Variants in AGAP1 observed in about 807,000 individuals in gnomAD.
AGAP1 encodes ArfGAP with GTPase domain, ankyrin repeat and PH domain 1, also known as arf-GAP with GTPase, ANK repeat and PH domain-containing protein 1.
In AGAP1, 29 loss-of-function variants were observed where a neutral mutation model predicts 105.3. That is an observed-to-expected ratio of 0.28 (90% CI 0.21 to 0.38). The LOEUF (loss-of-function observed/expected upper bound fraction) is 0.38, where lower values mean the gene tolerates loss of function less well. Ranked by LOEUF, AGAP1 falls within the 10% of genes least tolerant of loss-of-function variation. The probability of loss-of-function intolerance (pLI) is 1.00; values close to 1 mark genes in which losing one functional copy is unlikely to be tolerated. For missense variants in AGAP1, 998 were observed against 1,165.1 expected (o/e 0.86, Z 2.09); for synonymous variants, 509 against 485.9 (o/e 1.05, Z -0.63).
chr2:235,665,079 C>T lies in AGAP1; in HGVS notation c.164-44100C>T, dbSNP rs1351549295. Among the ~76,000 whole-genome samples the T allele has an allele frequency of 6.6e-6, 1 of 152,104 alleles. No homozygotes were observed. Among genetic ancestry groups the T allele is most frequent in the Non-Finnish European group, 1.5e-5 (1 of 68,020 alleles). On this transcript the variant is annotated intron_variant, in intron 1 of 17. Coordinates refer to ENST00000304032, the MANE Select transcript of AGAP1 (RefSeq NM_001037131.3). The surrounding 1 kb of genome is among the most constrained non-coding windows in gnomAD (Gnocchi z 5.3). ...TCTACAAAAAAATTTAAAAATTAGC[C>T]AGGGGTGGTGACATGTGCCTGTGGT...
chr2:235,756,586 A>G (rs951300434), intron 6 of AGAP1, among the ~76,000 whole-genome samples: 14 of 152,124 alleles, frequency 9.2e-5, no homozygotes, highest in East Asian at 1.9e-4. Context: ...AGTGGTCCAC[A>G]GTGTGGTTTT....
Position 235,625,323 on chromosome 2 carries a change from C to T in AGAP1, c.164-83856C>T, listed in dbSNP as rs1946603945. Among the ~76,000 whole-genome samples, 1 of 152,164 alleles carries T rather than the reference C, an allele frequency of 6.6e-6. No homozygotes were observed. Among genetic ancestry groups the T allele is most frequent in the Non-Finnish European group, 1.5e-5 (1 of 68,032 alleles). ...TTAGCAGCATTGAGTATAAGGTGAC[C>T]TGGAGGAGGTGTGAAGACCTGCGCA... On this transcript the variant is annotated intron_variant, in intron 1 of 17. Coordinates refer to ENST00000304032, the MANE Select transcript of AGAP1 (RefSeq NM_001037131.3). This position sits in a 1 kb window ranked among gnomAD's most constrained non-coding sequence, Gnocchi z 4.0.
Position 235,622,903 on chromosome 2 carries a change from G to A in AGAP1, c.164-86276G>A, listed in dbSNP as rs757905316. 6.6e-6 allele frequency among the ~76,000 whole-genome samples: 1 copy of A among 152,026 alleles called. No individual in the cohort carries two copies. The highest frequency in any genetic ancestry group is 2.4e-5 in the African/African-American group (1 of 41,372). ...CTTCTTGGAGTCAGCACTGCTTCAC[G>A]GTCCTATTGGCATGAGAACCACGTC... On this transcript the variant is annotated intron_variant, in intron 1 of 17. Coordinates refer to ENST00000304032, the MANE Select transcript of AGAP1 (RefSeq NM_001037131.3). The surrounding 1 kb of genome is among the most constrained non-coding windows in gnomAD (Gnocchi z 5.0).
rs576142699 is a variant in AGAP1, at chr2:235,965,416, G to A, written c.1484-3046G>A. Among the ~76,000 whole-genome samples the A allele has an allele frequency of 1.3e-5, 2 of 152,312 alleles. No homozygotes were observed. The highest frequency in any genetic ancestry group is 2.1e-4 in the South Asian group (1 of 4,820). ...GCGAAGGAAGGCACAGTGAAACAGT[G>A]TGCCGTTTTGAAGAAGCAATGGTGA... On this transcript the variant is annotated intron_variant, in intron 12 of 17. Transcript: ENST00000304032. This position sits in a 1 kb window ranked among gnomAD's most constrained non-coding sequence, Gnocchi z 5.8.
At chr2:235,899,455 G>A (rs1411148207) in intron 10 of AGAP1, among the ~76,000 whole-genome samples, 1 of 152,246 alleles carries the variant, frequency 6.6e-6, no homozygotes, top group East Asian at 1.9e-4. Flanking sequence ...GGAGGTTGCA[G>A]TGAACCAAGA....
At chr2:235,912,817 T>C (rs944523684) in intron 11 of AGAP1, among the ~76,000 whole-genome samples, 1 of 152,250 alleles carries the variant, frequency 6.6e-6, no homozygotes, top group Admixed American at 6.5e-5. Flanking sequence ...TGTTAGAATT[T>C]ATGCTAATCT....
chr2:235,664,209 G>A lies in AGAP1; in HGVS notation c.164-44970G>A, dbSNP rs77977592. Reference sequence around the variant, plus strand: ...TAGATTGGATTTTAATATATAGTTTGTTTTTTTGTTTTTTTTTTCGAGACG... The same window carrying A: ...TAGATTGGATTTTAATATATAGTTTATTTTTTTGTTTTTTTTTTCGAGACG... On this transcript the variant is annotated intron_variant, in intron 1 of 17. Transcript: ENST00000304032. The surrounding 1 kb of genome is among the most constrained non-coding windows in gnomAD (Gnocchi z 5.7). Among the ~76,000 whole-genome samples the A allele has an allele frequency of 6.6e-6, 1 of 151,444 alleles. No individual in the cohort carries two copies. Among genetic ancestry groups the A allele is most frequent in the Admixed American group, 6.6e-5 (1 of 15,198 alleles).
At chr2:235,627,872 A>G (rs1946692862) in intron 1 of AGAP1, among the ~76,000 whole-genome samples, 1 of 152,206 alleles carries the variant, frequency 6.6e-6, no homozygotes. Flanking sequence ...CAAGGTCAGA[A>G]CTAGAAAAAT....
At chr2:235,929,149 C>A (rs996815772) in intron 11 of AGAP1, among the ~76,000 whole-genome samples, 7 of 152,222 alleles carry the variant, frequency 4.6e-5, no homozygotes, top group African/African-American at 1.7e-4. Context: ...CCCACCTGAG[C>A]CCCTTGGATG....
Position 235,777,006 on chromosome 2 carries a change from A to G in AGAP1, c.674-20753A>G, listed in dbSNP as rs1048653826. 1 of 471,136 alleles carries G rather than the reference A, an allele frequency of 2.1e-6. No individual in the cohort carries two copies. The highest frequency in any genetic ancestry group is 4.4e-6 in the Non-Finnish European group (1 of 227,054). 29.2% of individuals were successfully genotyped at this position (471,136 alleles called of 1,614,324 possible). On this transcript the variant is annotated intron_variant, in intron 6 of 17. Transcript: ENST00000304032. This position sits in a 1 kb window ranked among gnomAD's most constrained non-coding sequence, Gnocchi z 5.1. ...TGGTGAGTTCCCAGCACGTTTTATC[A>G]TGTGAGCGTCTGCTCTTGAGAGGCC...
In AGAP1 at chr2:235,571,534, G is replaced by C. The variant is rs557805276; in HGVS notation, c.163+76685G>C. Among the ~76,000 whole-genome samples, 4 of 152,346 alleles carry C rather than the reference G, an allele frequency of 2.6e-5. No individual in the cohort carries two copies. In the East Asian group the frequency reaches 7.7e-4, roughly 29 times the overall value. On this transcript the variant is annotated intron_variant, in intron 1 of 17. Transcript: ENST00000304032. ...CACGGCTGAGAGGTTCTGTTGGCCA[G>C]TGCTTGTTCAGCTAAGGTTAAAATA...
At chr2:235,699,712 G>T (rs1211697985) in intron 1 of AGAP1, among the ~76,000 whole-genome samples, 1 of 152,240 alleles carries the variant, frequency 6.6e-6, no homozygotes, top group Non-Finnish European at 1.5e-5. Context: ...GGATGGGCAG[G>T]CCATTCCTTC....
chr2:236,074,491 C>G (rs2058586209), intron 16 of AGAP1, among the ~76,000 whole-genome samples: 1 of 152,168 alleles, frequency 6.6e-6, no homozygotes, highest in Admixed American at 6.6e-5. Flanking sequence ...TTAAGCTCAG[C>G]AATTTCAAGT....
Position 235,513,476 on chromosome 2 carries a change from G to C in AGAP1, c.163+18627G>C, listed in dbSNP as rs181155065. Reference sequence around the variant, plus strand: ...GCAGAGGTCGCAGCGAACTGAGATCGCGCCACTGTACTCCAGCCTGGGCGG... The same window carrying C: ...GCAGAGGTCGCAGCGAACTGAGATCCCGCCACTGTACTCCAGCCTGGGCGG... On this transcript the variant is annotated intron_variant, in intron 1 of 17. Transcript: ENST00000304032. Among the ~76,000 whole-genome samples, 6 of 141,306 alleles carry C rather than the reference G, an allele frequency of 4.2e-5. No homozygotes were observed. In the East Asian group the frequency reaches 1.3e-3, roughly 30 times the overall value. 92.7% of individuals were successfully genotyped at this position (141,306 alleles called of 152,430 possible). A position where few individuals can be genotyped will look rare whatever the true frequency, so the allele number is the denominator to read the frequency against.
At chr2:235,903,204 C>T (rs958906535) in intron 10 of AGAP1, among the ~76,000 whole-genome samples, 8 of 152,030 alleles carry the variant, frequency 5.3e-5, no homozygotes, top group Admixed American at 3.3e-4. Flanking sequence ...ATGGAGAAAA[C>T]GAATTGGAAC....
In AGAP1 at chr2:235,712,636, C is replaced by A. The variant is rs910902629; in HGVS notation, c.222+3399C>A. On this transcript the variant is annotated intron_variant, in intron 2 of 17. Coordinates refer to ENST00000304032, the MANE Select transcript of AGAP1 (RefSeq NM_001037131.3). The surrounding 1 kb of genome is among the most constrained non-coding windows in gnomAD (Gnocchi z 6.0). The stretch of plus-strand genomic sequence containing the variant: ...TCAGTTTAGGAAGACATTGCATTCC[C>A]TTTGGCCTTGTGATGTGAAGGGCCG... 6.6e-6 allele frequency among the ~76,000 whole-genome samples: 1 copy of A among 152,234 alleles called. No homozygotes were observed. The highest frequency in any genetic ancestry group is 1.5e-5 in the Non-Finnish European group (1 of 68,036).
chr2:235,698,790 C>T (rs1950119252), intron 1 of AGAP1, among the ~76,000 whole-genome samples: 1 of 152,198 alleles, frequency 6.6e-6, no homozygotes, highest in Non-Finnish European at 1.5e-5. Context: ...ATTGTAGCAG[C>T]TTGATGGTTG....
intron 1 of AGAP1, among the ~76,000 whole-genome samples, chr2:235,558,515 C>G (rs986328203): frequency 3.3e-5 from 5 of 152,132 alleles, no homozygotes; most frequent in African/African-American, 1.2e-4. Flanking sequence ...TGTCTCCATC[C>G]ACTTCCTTTC....
intron 9 of AGAP1, among the ~76,000 whole-genome samples, chr2:235,844,742 C>G (rs1961273946): frequency 6.6e-6 from 1 of 152,180 alleles, no homozygotes; most frequent in Non-Finnish European, 1.5e-5. Flanking sequence ...CAGTGTTCTT[C>G]CATCCATCAC....
Sources: allele counts gnomAD v4.1 joint callset (sites outside exome capture counted in the v4.1 genomes callset), GRCh38; gene constraint gnomAD v4.1.1; non-coding constraint Gnocchi (gnomAD v3.1); transcripts MANE v1.5; gene names NCBI Gene and HGNC (gene_info 2026-07-23, HGNC 2026-07-21).